The following TFDP2 variants were observed in gnomAD, a reference collection of about 807,000 sequenced individuals.
TFDP2 encodes the protein transcription factor Dp-2.
A neutral mutation model predicts 59.3 loss-of-function variants in TFDP2; 17 were observed. The observed-to-expected ratio is 0.29, with a 90% CI of 0.20 to 0.43. The LOEUF (loss-of-function observed/expected upper bound fraction) is 0.43, where lower values mean the gene tolerates loss of function less well. Among genes scored for constraint, TFDP2 ranks in the 20% least tolerant of loss-of-function variants. The pLI, the probability that TFDP2 is intolerant of heterozygous loss-of-function variation, is 1.00. For synonymous variants in TFDP2, 180 were observed against 194.7 expected, an observed-to-expected ratio of 0.92 and a Z score of 0.63; for missense variants, 391 against 528.8, an observed-to-expected ratio of 0.74 and a Z score of 2.56.
intron 11 of TFDP2, among the ~76,000 whole-genome samples, chr3:141,954,975 G>GA (rs1267083115): frequency 2.0e-5 from 3 of 151,148 alleles, no homozygotes; most frequent in Non-Finnish European, 4.4e-5. Flanking sequence ...AGACAGCTGG[G>GA]AAAAAAAAGA....
At chr3:142,018,234 G>A (rs1379328250) in intron 3 of TFDP2, among the ~76,000 whole-genome samples, 10 of 152,016 alleles carry the variant, frequency 6.6e-5, no homozygotes, top group Admixed American at 2.0e-4. Flanking sequence ...GTCAGCCACC[G>A]TACCAGGCCT....
intron 3 of TFDP2, among the ~76,000 whole-genome samples, chr3:142,007,893 C>T (rs572683796): frequency 1.4e-4 from 22 of 152,262 alleles, no homozygotes; most frequent in African/African-American, 5.1e-4. Context: ...ACAGATGAAG[C>T]TTTGCTCACT....
intron 3 of TFDP2, among the ~76,000 whole-genome samples, chr3:142,016,925 G>A (rs1204671968): frequency 6.6e-6 from 1 of 152,120 alleles, no homozygotes; most frequent in Non-Finnish European, 1.5e-5. Context: ...CTTGTCACCT[G>A]TCAATCTCTC....
At chr3:142,086,138 G>T (rs1042394538) in intron 3 of TFDP2, among the ~76,000 whole-genome samples, 6 of 151,956 alleles carry the variant, frequency 3.9e-5, no homozygotes, top group Non-Finnish European at 7.4e-5. Flanking sequence ...TCTACATTCT[G>T]CTTCTAGGGT....
chr3:142,064,857 A>G (rs914941646), intron 3 of TFDP2, among the ~76,000 whole-genome samples: 2 of 152,224 alleles, frequency 1.3e-5, no homozygotes, highest in African/African-American at 2.4e-5. Flanking sequence ...AGATGTGGTA[A>G]CCTTAGTCTC....
intron 1 of TFDP2, among the ~76,000 whole-genome samples, chr3:142,128,916 T>C (rs1226044108): frequency 6.4e-5 from 2 of 31,088 alleles, no homozygotes; most frequent in East Asian, 4.9e-4. Context: ...AATGCAACTT[T>C]CTTTTTTTTT....
chr3:142,077,397 C>T (rs2203002), intron 3 of TFDP2, among the ~76,000 whole-genome samples: 9,745 of 152,138 alleles, frequency 0.064, 363 homozygotes, highest in Middle Eastern at 0.085. Context: ...TCAGGCTGCA[C>T]AGCTCCAACC....
intron 1 of TFDP2, among the ~76,000 whole-genome samples, chr3:142,143,643 C>T (rs1044059404): frequency 1.3e-5 from 2 of 152,110 alleles, no homozygotes; most frequent in Non-Finnish European, 2.9e-5. Flanking sequence ...AATAGTCATT[C>T]GAAAAGGTGC....
intron 1 of TFDP2, among the ~76,000 whole-genome samples, chr3:142,117,715 G>A (rs764378012): frequency 2.6e-5 from 4 of 152,196 alleles, no homozygotes; most frequent in Non-Finnish European, 5.9e-5. Context: ...CCTAGAAACA[G>A]TGCTTCTGGG....
chr3:142,043,681 T>C (rs1282975571), intron 3 of TFDP2: 11 of 1,054,660 alleles, frequency 1.0e-5, no homozygotes, highest in Non-Finnish European at 1.5e-5. Context: ...CTTCTTGGCC[T>C]GCAGGCGTTC....
At position 142,149,330 on chromosome 3, in the gene TFDP2, C is replaced by T. The variant is rs2063302643; in HGVS notation, c.-240G>A. 1 of 394,012 alleles carries T rather than the reference C, an allele frequency of 2.5e-6. No individual in the cohort carries two copies. The allele number at this position is 394,012 out of a possible 1,614,324, so 24.4% of individuals were successfully genotyped here. ...TCACACCCGGGGAGACGCGGCCTGC[C>T]CGGTCAAGGCCCAGGAGTTTGAGGC... On this transcript the variant is annotated 5_prime_UTR_variant, in exon 1 of 13. Transcript: ENST00000489671.
chr3:141,944,766 G>A lies in TFDP2; in HGVS notation c.*7747C>T, dbSNP rs1553748503. The A allele has an allele frequency of 6.6e-6, 1 of 152,188 alleles. No homozygotes were observed. The highest frequency in any genetic ancestry group is 1.5e-5 in the Non-Finnish European group (1 of 68,034). 9.4% of individuals were successfully genotyped at this position (152,188 alleles called of 1,614,324 possible). A position where few individuals can be genotyped will look rare whatever the true frequency, so the allele number is the denominator to read the frequency against. On this transcript the variant is annotated 3_prime_UTR_variant, in exon 13 of 13. Transcript: ENST00000489671. ...AGGACTTGTCTGTTATCTACCAGAA[G>A]CAATTTCAGAAAATCAGGAGTAATT... is the stretch of plus-strand genomic sequence containing the variant.
intron 4 of TFDP2, among the ~76,000 whole-genome samples, chr3:141,997,849 C>CAAAAAAAA (rs3058569): frequency 1.4e-4 from 12 of 83,972 alleles, no homozygotes; most frequent in Non-Finnish European, 2.2e-4. Flanking sequence ...GACTCCATCT[C>CAAAAAAAA]AAAAAAAAAA....
intron 3 of TFDP2, among the ~76,000 whole-genome samples, chr3:142,031,878 T>C (rs1013405867): frequency 1.3e-5 from 2 of 152,192 alleles, no homozygotes; most frequent in Non-Finnish European, 2.9e-5. Flanking sequence ...ATCAGATCTA[T>C]ATAATGAAGC....
At chr3:142,043,589 C>T in intron 3 of TFDP2, 1 of 768,002 alleles carries the variant, frequency 1.3e-6, no homozygotes. Context: ...TATGTAATCA[C>T]GGAGGCCAGT....
chr3:142,034,412 A>G (rs1946583923), intron 3 of TFDP2, among the ~76,000 whole-genome samples: 1 of 151,168 alleles, frequency 6.6e-6, no homozygotes, highest in Non-Finnish European at 1.5e-5. Context: ...ACCAACTATT[A>G]ATTAATTATT....
At chr3:142,100,464 C>T (rs910481899) in intron 2 of TFDP2, among the ~76,000 whole-genome samples, 1 of 152,228 alleles carries the variant, frequency 6.6e-6, no homozygotes, top group Non-Finnish European at 1.5e-5. Flanking sequence ...CCTCCGCCTC[C>T]CGGGTTCAAG....
intron 3 of TFDP2, among the ~76,000 whole-genome samples, chr3:142,012,395 GTGACATCATGAT>G (rs1036574872): frequency 4.6e-5 from 7 of 152,160 alleles, no homozygotes; most frequent in African/African-American, 1.7e-4. Flanking sequence ...TCTGGCTTCT[GTGACATCATGAT>G]TGACAATGGG....
In TFDP2 at chr3:142,075,845, T is replaced by C. The variant is rs981188975; in HGVS notation, c.82+17216A>G. ...TTGCTTGAGCCCAGGAGGTCAAGGTTGCAATGAGATGTGATCATGTCACTG... is the reference window on the plus strand; with the variant it reads ...TTGCTTGAGCCCAGGAGGTCAAGGTCGCAATGAGATGTGATCATGTCACTG... On this transcript the variant is annotated intron_variant, in intron 3 of 12. Coordinates refer to ENST00000489671, the MANE Select transcript of TFDP2 (RefSeq NM_001178139.2). Among the ~76,000 whole-genome samples, 4 of 146,396 alleles carry C rather than the reference T, an allele frequency of 2.7e-5. No individual in the cohort carries two copies. The East Asian group carries it at 7.9e-4, about 29-fold the overall frequency.
Sources: gnomAD v4.1 joint callset for allele counts (sites outside exome capture counted in the v4.1 genomes callset) on GRCh38, gnomAD v4.1.1 for gene constraint, MANE v1.5 for transcripts, NCBI Gene and HGNC (gene_info 2026-07-23, HGNC 2026-07-21) for gene names.